Variants in CNTN3 observed in about 807,000 individuals in gnomAD.
CNTN3 encodes contactin 3.
In CNTN3, 60 loss-of-function variants were observed where a neutral mutation model predicts 119.1. The observed-to-expected ratio is 0.50, with a 90% CI of 0.41 to 0.62. The LOEUF is 0.62. Among genes scored for constraint, CNTN3 ranks in the 20% least tolerant of loss-of-function variants. The probability of loss-of-function intolerance (pLI) is 0.00; values close to 1 mark genes in which losing one functional copy is unlikely to be tolerated. For synonymous variants in CNTN3, 450 were observed against 438.7 expected, an observed-to-expected ratio of 1.03 and a Z score of -0.32; for missense variants, 1,101 against 1,242.4, an observed-to-expected ratio of 0.89 and a Z score of 1.71.
At chr3:74,310,972 T>C (rs556201467) in intron 13 of CNTN3, among the ~76,000 whole-genome samples, 119 of 152,322 alleles carry the variant, frequency 7.8e-4, no homozygotes, top group African/African-American at 2.7e-3. Context: ...TTACAAGATC[T>C]GAGGGAGAGA....
intron 4 of CNTN3, among the ~76,000 whole-genome samples, chr3:74,482,996 A>C (rs1430288678): frequency 2.0e-5 from 3 of 152,122 alleles, no homozygotes; most frequent in Non-Finnish European, 2.9e-5. Context: ...TCCCAACCAC[A>C]TGAATATTAA....
chr3:74,334,856 C>T lies in CNTN3; in HGVS notation c.1547G>A (p.Ser516Asn). The T allele has an allele frequency of 6.2e-7, 1 of 1,613,648 alleles. No homozygotes were observed. Among genetic ancestry groups the T allele is most frequent in the Non-Finnish European group, 8.5e-7 (1 of 1,179,694 alleles). The change falls in exon 13 of 23, where the codon AGC (serine) becomes AAC (asparagine). Residue 516 changes from serine to asparagine, a missense_variant. Coordinates refer to ENST00000263665, the MANE Select transcript of CNTN3 (RefSeq NM_020872.3). ...TTGTACCTGGCAGGGCAATATGACG[C>T]TTTCACCAACAGAAACATCCATGTT... ...PSNMDVSVGESVILPCQVQHD... is the reference protein window; with the variant it reads ...PSNMDVSVGENVILPCQVQHD...
intron 1 of CNTN3, among the ~76,000 whole-genome samples, chr3:74,569,162 T>C (rs1212433105): frequency 6.6e-6 from 1 of 152,236 alleles, no homozygotes; most frequent in Non-Finnish European, 1.5e-5. Flanking sequence ...TTCTGTCTGC[T>C]CTGCCTCTAA....
At chr3:74,507,192 G>A (rs929510113) in intron 2 of CNTN3, among the ~76,000 whole-genome samples, 3 of 152,166 alleles carry the variant, frequency 2.0e-5, no homozygotes, top group African/African-American at 7.2e-5. Context: ...GCCAAGGCAG[G>A]AGGATCATAG....
chr3:74,553,101 A>T (rs375204207), intron 1 of CNTN3, among the ~76,000 whole-genome samples: 38 of 42,456 alleles, frequency 9.0e-4, no homozygotes, highest in African/African-American at 3.2e-3. Flanking sequence ...CCCAACCCCC[A>T]CAGGCCCCCG....
intron 4 of CNTN3, among the ~76,000 whole-genome samples, chr3:74,476,238 C>G (rs1338591288): frequency 1.3e-5 from 2 of 152,102 alleles, no homozygotes; most frequent in African/African-American, 4.8e-5. Context: ...TGCACAGGAA[C>G]CTAATCTTGT....
At chr3:74,612,922 T>C (rs1255316426) in intron 1 of CNTN3, among the ~76,000 whole-genome samples, 1 of 152,204 alleles carries the variant, frequency 6.6e-6, no homozygotes, top group Non-Finnish European at 1.5e-5. Flanking sequence ...ATCTTACAAA[T>C]GTTGCACAAA....
At position 74,411,313 on chromosome 3, in the gene CNTN3, C is replaced by T. The variant is rs372684041; in HGVS notation, c.454+13532G>A. 2.1e-4 allele frequency among the ~76,000 whole-genome samples: 32 copies of T among 152,184 alleles called. 1 individual carries two copies. Among genetic ancestry groups the T allele is most frequent in the African/African-American group, 6.0e-4 (25 of 41,542 alleles). ...TATTTTCACAAACCTTTAGAGCACTCGGCAGAGGATATTTTGAAAATTACT... is the reference window on the plus strand; with the variant it reads ...TATTTTCACAAACCTTTAGAGCACTTGGCAGAGGATATTTTGAAAATTACT... On this transcript the variant is annotated intron_variant, in intron 5 of 22. Coordinates refer to ENST00000263665, the MANE Select transcript of CNTN3 (RefSeq NM_020872.3).
At chr3:74,342,787 CT>C (rs1226802373) in intron 11 of CNTN3, among the ~76,000 whole-genome samples, 2 of 152,122 alleles carry the variant, frequency 1.3e-5, no homozygotes, top group Admixed American at 6.5e-5. Flanking sequence ...GAAAAGACCC[CT>C]ATAAGGGGAT....
intron 1 of CNTN3, among the ~76,000 whole-genome samples, chr3:74,551,080 G>T (rs1436660879): frequency 6.6e-6 from 1 of 152,214 alleles, no homozygotes; most frequent in Non-Finnish European, 1.5e-5. Flanking sequence ...CTTAGAAGGT[G>T]CAGTAATTCA....
chr3:74,507,824 G>T (rs2107096965), intron 2 of CNTN3, among the ~76,000 whole-genome samples: 1 of 151,832 alleles, frequency 6.6e-6, no homozygotes, highest in Middle Eastern at 3.4e-3. Context: ...TAGAGACTGG[G>T]TTTCCCTGTG....
At chr3:74,336,925 C>A (rs980627538) in intron 11 of CNTN3, among the ~76,000 whole-genome samples, 1 of 151,976 alleles carries the variant, frequency 6.6e-6, no homozygotes, top group African/African-American at 2.4e-5. Context: ...ACTTATTACA[C>A]CAAAGTTGAG....
At chr3:74,348,693 C>A (rs1193544398) in intron 11 of CNTN3, among the ~76,000 whole-genome samples, 1 of 152,160 alleles carries the variant, frequency 6.6e-6, no homozygotes, top group African/African-American at 2.4e-5. Context: ...AGGAGACACA[C>A]TGAGCAAATA....
chr3:74,339,876 G>C (rs1703489097), intron 11 of CNTN3, among the ~76,000 whole-genome samples: 1 of 149,150 alleles, frequency 6.7e-6, no homozygotes. Context: ...ACATATATGT[G>C]TGAACTAATT....
chr3:74,288,446 A>G (rs767249971), intron 19 of CNTN3, among the ~76,000 whole-genome samples: 16 of 152,096 alleles, frequency 1.1e-4, no homozygotes, highest in Non-Finnish European at 1.6e-4. Context: ...GGTGTGAGCC[A>G]CCACGCCTGG....
chr3:74,502,597 C>A (rs1167304492), intron 2 of CNTN3, among the ~76,000 whole-genome samples: 2 of 152,170 alleles, frequency 1.3e-5, no homozygotes, highest in African/African-American at 4.8e-5. Flanking sequence ...CTGACCCCAG[C>A]TCCTGATCTC....
At chr3:74,330,514 A>C (rs989627219) in intron 13 of CNTN3, among the ~76,000 whole-genome samples, 1 of 152,240 alleles carries the variant, frequency 6.6e-6, no homozygotes, top group East Asian at 1.9e-4. Flanking sequence ...TGTACAGTAC[A>C]TAATACTTGA....
Position 74,361,975 on chromosome 3 carries a change from C to T in CNTN3, c.1279G>A (p.Val427Ile), listed in dbSNP as rs765351195. 16 of 1,613,696 alleles carry T rather than the reference C, an allele frequency of 9.9e-6. No homozygotes were observed. In the East Asian group the frequency reaches 3.3e-4, roughly 34 times the overall value. ...KLVQVQVGSL[V>I]SLDCKPRASP... is the part of the protein sequence containing the mutation. Reference sequence around the variant, plus strand: ...GCTCTGGGTTTACAATCCAAGCTGACCAGGCTGCCCACCTGCACCTGAACC... The same window carrying T: ...GCTCTGGGTTTACAATCCAAGCTGATCAGGCTGCCCACCTGCACCTGAACC... The change falls in exon 11 of 23, where the codon GTC becomes ATC. Residue 427 changes from valine to isoleucine, a missense_variant. Physicochemically the swap from Val to Ile is conservative, Grantham distance 29. Coordinates refer to ENST00000263665, the MANE Select transcript of CNTN3 (RefSeq NM_020872.3).
chr3:74,433,021 G>T (rs980210122), intron 4 of CNTN3, among the ~76,000 whole-genome samples: 1 of 152,150 alleles, frequency 6.6e-6, no homozygotes, highest in East Asian at 1.9e-4. Flanking sequence ...TTTATGGGGG[G>T]TGATCTTAGA....
Sources: allele counts gnomAD v4.1 joint callset (sites outside exome capture counted in the v4.1 genomes callset), GRCh38; gene constraint gnomAD v4.1.1; transcripts MANE v1.5; gene names NCBI Gene and HGNC (gene_info 2026-07-23, HGNC 2026-07-21).